Variants in HSPA12B observed in about 807,000 individuals in gnomAD.
The protein encoded by HSPA12B is heat shock 70 kDa protein 12B.
A neutral mutation model predicts 69.3 loss-of-function variants in HSPA12B; 54 were observed. The observed-to-expected ratio is 0.78, with a 90% CI of 0.63 to 0.98. The LOEUF (loss-of-function observed/expected upper bound fraction) is 0.98. Among genes scored for constraint, HSPA12B ranks in the 50% least tolerant of loss-of-function variants. The pLI is 0.00. For synonymous variants in HSPA12B, 441 were observed against 436.5 expected, an observed-to-expected ratio of 1.01 and a Z score of -0.13; for missense variants, 929 against 999.8, an observed-to-expected ratio of 0.93 and a Z score of 0.96.
chr20:3,749,950 G>A lies in HSPA12B; in HGVS notation c.1043-19G>A, dbSNP rs974874329. On this transcript the variant is annotated intron_variant, in intron 10 of 12. Coordinates refer to ENST00000254963, the MANE Select transcript of HSPA12B (RefSeq NM_052970.5). The surrounding 1 kb of genome is among the most constrained non-coding windows in gnomAD (Gnocchi z 5.5). Reference sequence around the variant, plus strand: ...CCCGGCGAGCGCTGACGCCCTCTTCGCCCCCTGCTCCACCCCAGGGGGCCC... The same window carrying A: ...CCCGGCGAGCGCTGACGCCCTCTTCACCCCCTGCTCCACCCCAGGGGGCCC... The A allele has an allele frequency of 2.6e-6, 4 of 1,549,968 alleles. No homozygotes were observed. Among genetic ancestry groups the A allele is most frequent in the Non-Finnish European group, 3.5e-6 (4 of 1,144,800 alleles).
At position 3,738,684 on chromosome 20, in the gene HSPA12B, G is replaced by A. The variant is rs749068921; in HGVS notation, c.10G>A (p.Val4Ile). 6 of 1,614,176 alleles carry A rather than the reference G, an allele frequency of 3.7e-6. No homozygotes were observed. The highest frequency in any genetic ancestry group is 2.2e-5 in the South Asian group (2 of 91,076). ...TACAGGGCCTGCAAGGATGTTGGCTGTCCCGGAGATGGGCCTGCAGGGGCT... is the reference window on the plus strand; with the variant it reads ...TACAGGGCCTGCAAGGATGTTGGCTATCCCGGAGATGGGCCTGCAGGGGCT... MLA[V>I]PEMGLQGLYI... Residue 4 changes from valine to isoleucine, a missense_variant, in exon 2 of 13, where the codon GTC (valine) becomes ATC (isoleucine). By Grantham distance (29) the Val-to-Ile change is conservative (BLOSUM62 3). Around this residue, in one of 3 missense-constraint regions of HSPA12B, gnomAD observed 477 missense variants for 535.2 expected, o/e 0.89. Transcript: ENST00000254963.
chr20:3,751,554 G>A lies in HSPA12B; in HGVS notation c.1449G>A (p.Leu483=). ...CGGAGGTGCAGGGTGTGAAGCTGCT[G>A]TTCCTAGTGGGCGGCTTCGCCGAGT... ...ARPEVQGVKL[L]FLVGGFAESA... is the part of the protein sequence containing the mutation. Residue 483 remains leucine, a synonymous_variant, in exon 13 of 13, where the codon CTG becomes CTA. Coordinates refer to ENST00000254963, the MANE Select transcript of HSPA12B (RefSeq NM_052970.5). The A allele has an allele frequency of 6.7e-7, 1 of 1,493,432 alleles. No homozygotes were observed. Among genetic ancestry groups the A allele is most frequent in the Non-Finnish European group, 8.9e-7 (1 of 1,123,334 alleles). The allele number at this position is 1,493,432 out of a possible 1,614,324, so 92.5% of individuals were successfully genotyped here. A position where few individuals can be genotyped will look rare whatever the true frequency, so the allele number is the denominator to read the frequency against.
chr20:3,735,885 G>A (rs1465021592), intron 1 of HSPA12B, among the ~76,000 whole-genome samples: 1 of 152,124 alleles, frequency 6.6e-6, no homozygotes, highest in East Asian at 1.9e-4. Flanking sequence ...ACAGAGCCTG[G>A]CATGAAGAAT....
Position 3,740,699 on chromosome 20 carries a change from G to A in HSPA12B, c.44-116G>A, listed in dbSNP as rs2088185147. ...CCGCAGTCCTCCTCCCCAGCAGAGA[G>A]CCCTTTGCCTTAGCCCAGCAAGGAC... On this transcript the variant is annotated intron_variant, in intron 2 of 12. Coordinates refer to ENST00000254963, the MANE Select transcript of HSPA12B (RefSeq NM_052970.5). This position sits in a 1 kb window ranked among gnomAD's most constrained non-coding sequence, Gnocchi z 4.9. 3.9e-6 allele frequency: 3 copies of A among 770,460 alleles called. No individual in the cohort carries two copies. In the East Asian group the frequency reaches 8.0e-5, roughly 21 times the overall value. 47.7% of individuals were successfully genotyped at this position (770,460 alleles called of 1,614,324 possible).
chr20:3,740,948 T>C lies in HSPA12B; in HGVS notation c.141+36T>C, dbSNP rs1371174720. 1.3e-6 allele frequency: 2 copies of C among 1,568,952 alleles called. No homozygotes were observed. The highest frequency in any genetic ancestry group is 3.5e-5 in the Admixed American group (2 of 57,848). On this transcript the variant is annotated intron_variant, in intron 3 of 12. Transcript: ENST00000254963. This position sits in a 1 kb window ranked among gnomAD's most constrained non-coding sequence, Gnocchi z 4.9. The stretch of plus-strand genomic sequence containing the variant: ...AGCAGGGACCAGGTGGTGGGTGACC[T>C]GGCTGGTGTGGACAGGGTCGTGCGT...
At chr20:3,734,512 C>T (rs2088077903) in intron 1 of HSPA12B, among the ~76,000 whole-genome samples, 1 of 152,174 alleles carries the variant, frequency 6.6e-6, no homozygotes, top group Admixed American at 6.6e-5. Flanking sequence ...CCATAGGCAC[C>T]ACCAGTCTGA....
chr20:3,750,221 G>A lies in HSPA12B; in HGVS notation c.1295G>A (p.Arg432Lys), dbSNP rs370598013. The A allele has an allele frequency of 1.9e-6, 3 of 1,595,046 alleles. No homozygotes were observed. The highest frequency in any genetic ancestry group is 2.3e-5 in the East Asian group (1 of 44,284). Residue 432 changes from arginine (R) to lysine (K), a missense_variant, in exon 11 of 13, where the codon AGG becomes AAG. Around this residue, in one of 3 missense-constraint regions of HSPA12B, gnomAD observed 448 missense variants for 448.1 expected, o/e 1.00. Coordinates refer to ENST00000254963, the MANE Select transcript of HSPA12B (RefSeq NM_052970.5). ...RGHNVETALR[R>K]SSVNFVKWSS... is the part of the protein sequence containing the mutation. ...CACAACGTGGAGACCGCTCTGCGCAGGAGCAGGTGGGTCCTGAGCCCGCGG... is the reference window on the plus strand; with the variant it reads ...CACAACGTGGAGACCGCTCTGCGCAAGAGCAGGTGGGTCCTGAGCCCGCGG...
rs758739183 is a variant in HSPA12B, at chr20:3,749,737, C to G, written c.938-13C>G. 2 of 1,563,554 alleles carry G rather than the reference C, an allele frequency of 1.3e-6. No homozygotes were observed. Among genetic ancestry groups the G allele is most frequent in the Non-Finnish European group, 1.7e-6 (2 of 1,158,290 alleles). On this transcript the variant is annotated splice_polypyrimidine_tract_variant and intron_variant, in intron 9 of 12. Coordinates refer to ENST00000254963, the MANE Select transcript of HSPA12B (RefSeq NM_052970.5). This position sits in a 1 kb window ranked among gnomAD's most constrained non-coding sequence, Gnocchi z 5.5. ...GGCCGCCCACGAGTGTGTGCCCGCG[C>G]TCGCCGCCGCAGGAGACCGCTACGT...
chr20:3,745,572 G>C lies in HSPA12B; in HGVS notation c.533G>C (p.Arg178Pro). ...PALEVFAHAL[R>P]FFREHALQEL... is the part of the protein sequence containing the mutation. Reference sequence around the variant, plus strand: ...CTGGAGGTGTTCGCCCATGCCCTGCGCTTCTTCAGGGAGCACGCCCTTCAG... The same window carrying C: ...CTGGAGGTGTTCGCCCATGCCCTGCCCTTCTTCAGGGAGCACGCCCTTCAG... Residue 178 changes from arginine (R) to proline (P), a missense_variant, in exon 6 of 13, where the codon CGC becomes CCC. Transcript: ENST00000254963. The surrounding 1 kb of genome is among the most constrained non-coding windows in gnomAD (Gnocchi z 5.6). 6.2e-7 allele frequency: 1 copy of C among 1,614,106 alleles called. No homozygotes were observed. Among genetic ancestry groups the C allele is most frequent in the Non-Finnish European group, 8.5e-7 (1 of 1,179,994 alleles).
rs745389836 is a variant in HSPA12B at position 3,749,348 on chromosome 20, C to A, written c.937+30C>A. 21 of 1,591,938 alleles carry A rather than the reference C, an allele frequency of 1.3e-5. No individual in the cohort carries two copies. The highest frequency in any genetic ancestry group is 1.8e-5 in the Non-Finnish European group (21 of 1,163,036). On this transcript the variant is annotated intron_variant, in intron 9 of 12. Coordinates refer to ENST00000254963, the MANE Select transcript of HSPA12B (RefSeq NM_052970.5). This position sits in a 1 kb window ranked among gnomAD's most constrained non-coding sequence, Gnocchi z 5.5. Reference sequence around the variant, plus strand: ...GGGGAAAGGGGGACGGAGTGTTATCCTTGGCCCCTACCGGGCACCATATAC... The same window carrying A: ...GGGGAAAGGGGGACGGAGTGTTATCATTGGCCCCTACCGGGCACCATATAC...
Position 3,751,625 on chromosome 20 carries a change from G to T in HSPA12B, c.1520G>T (p.Gly507Val). 1 of 1,528,590 alleles carries T rather than the reference G, an allele frequency of 6.5e-7. No homozygotes were observed. The allele number at this position is 1,528,590 out of a possible 1,614,324, so 94.7% of individuals were successfully genotyped here. The change falls in exon 13 of 13, where the codon GGT becomes GTT. Residue 507 changes from glycine (G) to valine (V), a missense_variant. By Grantham distance (109) the Gly-to-Val change is moderately radical. Transcript: ENST00000254963. ...GTGCAGGCGGCGCTGGGCGCCCGCG[G>T]TCTGCGTGTCGTGGTCCCGCACGAC... ...HAVQAALGARGLRVVVPHDVG... is the reference protein window; with the variant it reads ...HAVQAALGARVLRVVVPHDVG...
Position 3,751,753 on chromosome 20 carries a change from C to A in HSPA12B, c.1648C>A (p.Arg550Ser). 6.6e-7 allele frequency: 1 copy of A among 1,523,572 alleles called. No individual in the cohort carries two copies. The highest frequency in any genetic ancestry group is 8.8e-7 in the Non-Finnish European group (1 of 1,141,176). The allele number at this position is 1,523,572 out of a possible 1,614,324, so 94.4% of individuals were successfully genotyped here. A position where few individuals can be genotyped will look rare whatever the true frequency, so the allele number is the denominator to read the frequency against. Residue 550 changes from arginine to serine, a missense_variant, in exon 13 of 13, where the codon CGC (arginine) becomes AGC (serine). Transcript: ENST00000254963. ...CACCTATGGCGTGGGCGTGCTCAACCGCTTTGTGCCTGGGCGCCACCCGCC... is the reference window on the plus strand; with the variant it reads ...CACCTATGGCGTGGGCGTGCTCAACAGCTTTGTGCCTGGGCGCCACCCGCC... ...PLTYGVGVLNRFVPGRHPPEK... is the reference protein window; with the variant it reads ...PLTYGVGVLNSFVPGRHPPEK...
intron 7 of HSPA12B, 119 bp from the exon 8 acceptor site, chr20:3,748,098 G>A (rs1318660524): frequency 2.0e-5 from 18 of 910,336 alleles, no homozygotes; most frequent in Non-Finnish European, 2.9e-5. Flanking sequence ...CCTAACATGG[G>A]TGGGGTGTGA....
In HSPA12B at chr20:3,751,686, C is replaced by T. The variant is rs924326728; in HGVS notation, c.1581C>T (p.Phe527=). The T allele has an allele frequency of 2.0e-6, 3 of 1,491,234 alleles. No homozygotes were observed. Among genetic ancestry groups the T allele is most frequent in the African/African-American group, 2.9e-5 (2 of 69,184 alleles). The allele number at this position is 1,491,234 out of a possible 1,614,324, so 92.4% of individuals were successfully genotyped here. Residue 527 remains phenylalanine, a synonymous_variant, in exon 13 of 13, where the codon TTC becomes TTT. Coordinates refer to ENST00000254963, the MANE Select transcript of HSPA12B (RefSeq NM_052970.5). ...CCATCCTCAAAGGCGCGGTGCTGTT[C>T]GGCCAGGCGCCGGGCGTGGTGCGGG... ...GLTILKGAVL[F]GQAPGVVRVR...
In HSPA12B at chr20:3,752,913, G is replaced by A. The variant is rs1488288954; in HGVS notation, c.*747G>A. On this transcript the variant is annotated 3_prime_UTR_variant, in exon 13 of 13. Transcript: ENST00000254963. ...ATGGAAGAGCAGCTGGAGGGTGGAT[G>A]GGGAGGCCAGAGGGAGCAATGAGGG... 1.3e-5 allele frequency: 2 copies of A among 153,822 alleles called. No individual in the cohort carries two copies. The highest frequency in any genetic ancestry group is 2.9e-5 in the Non-Finnish European group (2 of 68,126). The allele number at this position is 153,822 out of a possible 1,614,324, so 9.5% of individuals were successfully genotyped here.
intron 12 of HSPA12B, 105 bp from the exon 13 acceptor site, chr20:3,751,406 G>A: frequency 7.4e-7 from 1 of 1,355,850 alleles, no homozygotes; most frequent in Non-Finnish European, 9.4e-7. Flanking sequence ...ACAGGCTAGG[G>A]AGGGGAGGCG....
Position 3,751,441 on chromosome 20 carries a change from C to T in HSPA12B, c.1406-70C>T, listed in dbSNP as rs1054011508. 5.9e-6 allele frequency: 8 copies of T among 1,361,270 alleles called. No individual in the cohort carries two copies. The Admixed American group carries it at 1.1e-4, about 19-fold the overall frequency. The allele number at this position is 1,361,270 out of a possible 1,614,324, so 84.3% of individuals were successfully genotyped here. ...GCCGGTGGCCGCCTAGTGGTGGCCT[C>T]AGTGGCTCTCTCTCCCCCGCCCCTT... On this transcript the variant is annotated intron_variant, in intron 12 of 12. Coordinates refer to ENST00000254963, the MANE Select transcript of HSPA12B (RefSeq NM_052970.5).
In HSPA12B at chr20:3,745,613, ACCT is replaced by A; in HGVS notation, c.558+18_558+20del. On this transcript the variant is annotated intron_variant, in intron 6 of 12. Coordinates refer to ENST00000254963, the MANE Select transcript of HSPA12B (RefSeq NM_052970.5). The surrounding 1 kb of genome is among the most constrained non-coding windows in gnomAD (Gnocchi z 5.6). ...CGCCCTTCAGGTGCGCTGCGGCCCC[ACCT>A]CTGCCGACTGTGGCAGGGACCCCCT... The A allele has an allele frequency of 6.2e-7, 1 of 1,605,622 alleles. No homozygotes were observed. The highest frequency in any genetic ancestry group is 1.7e-5 in the Admixed American group (1 of 59,962).
In HSPA12B at chr20:3,745,792, G is replaced by C. The variant is rs1170276749; in HGVS notation, c.559-123G>C. On this transcript the variant is annotated intron_variant, in intron 6 of 12. Transcript: ENST00000254963. This position sits in a 1 kb window ranked among gnomAD's most constrained non-coding sequence, Gnocchi z 5.6. ...AAGCCATACTGATGGGAGGGGGGCC[G>C]ATTCTTCCAGCTCTGCTGGGAAGTC... The C allele has an allele frequency of 9.8e-7, 1 of 1,023,200 alleles. No individual in the cohort carries two copies. Among genetic ancestry groups the C allele is most frequent in the Non-Finnish European group, 1.5e-6 (1 of 650,560 alleles). The allele number at this position is 1,023,200 out of a possible 1,614,324, so 63.4% of individuals were successfully genotyped here.
Sources: allele counts gnomAD v4.1 joint callset (sites outside exome capture counted in the v4.1 genomes callset), GRCh38; gene constraint gnomAD v4.1.1; regional missense constraint gnomAD v4.1.1; non-coding constraint Gnocchi (gnomAD v3.1); transcripts MANE v1.5; gene names NCBI Gene and HGNC (gene_info 2026-07-23, HGNC 2026-07-21).